MEPCE: variants seen among roughly 807,000 people sequenced by gnomAD.
MEPCE encodes methylphosphate capping enzyme, also known as 7SK snRNA methylphosphate capping enzyme.
MEPCE carries 9 observed loss-of-function variants against 52.3 expected under a neutral mutation model. The ratio of observed to expected loss-of-function variants is 0.17; its 90% CI spans 0.10 to 0.30. The LOEUF is 0.30. Ranked by LOEUF, MEPCE falls within the 10% of genes least tolerant of loss-of-function variation. The pLI, the probability that MEPCE is intolerant of heterozygous loss-of-function variation, is 1.00. For missense variants in MEPCE, 826 were observed against 933.0 expected (o/e 0.89, Z 1.49); for synonymous variants, 477 against 401.6 (o/e 1.19, Z -2.25).
chr7:100,429,648 C>G (rs1028700966), upstream of MEPCE: 1 of 197,446 alleles, frequency 5.1e-6, no homozygotes, highest in African/African-American at 2.3e-5. Context: ...CTCCCAGAGC[C>G]GTTAAGTTGG....
chr7:100,432,875 C>A (rs1270814513), intron 1 of MEPCE, 44 bp from the exon 2 acceptor site: 1 of 1,585,500 alleles, frequency 6.3e-7, no homozygotes, highest in African/African-American at 1.3e-5. Context: ...AGCAGGGGTT[C>A]TTTGATTCCC....
chr7:100,433,032 C>T lies in MEPCE; in HGVS notation c.1785C>T (p.Gly595=), dbSNP rs765536062. ...TGCATCTGAACTGGGGAGACGAGGG[C>T]CTGAAGCGCATGTTTCGCCGGATCT... ...KWVHLNWGDE[G]LKRMFRRIYR... The change falls in exon 2 of 4, where the codon GGC becomes GGT. Residue 595 remains glycine, a synonymous_variant. Transcript: ENST00000310512. The T allele has an allele frequency of 2.1e-5, 34 of 1,613,876 alleles. No individual in the cohort carries two copies. The South Asian group carries it at 3.6e-4, about 17-fold the overall frequency.
At chr7:100,432,521 AG>A (rs1343675855) in intron 1 of MEPCE, among the ~76,000 whole-genome samples, 1 of 152,226 alleles carries the variant, frequency 6.6e-6, no homozygotes, top group East Asian at 1.9e-4. Flanking sequence ...CCCCAACTGC[AG>A]GGAAGGAACC....
chr7:100,430,403 C>G lies in MEPCE; in HGVS notation c.385C>G (p.Pro129Ala), dbSNP rs899386476. The G allele has an allele frequency of 9.2e-6, 14 of 1,529,948 alleles. No individual in the cohort carries two copies. The highest frequency in any genetic ancestry group is 2.0e-5 in the Admixed American group (1 of 51,136). The allele number at this position is 1,529,948 out of a possible 1,614,324, so 94.8% of individuals were successfully genotyped here. Residue 129 changes from proline (P) to alanine (A), a missense_variant, in exon 1 of 4, where the codon CCT (proline) becomes GCT (alanine). Physicochemically the swap from Pro to Ala is conservative, Grantham distance 27. Transcript: ENST00000310512. ...GGGTELGPPA[P>A]PRPRNGYQPH... ...CGGGACAGAGCTGGGTCCCCCTGCT[C>G]CTCCTCGACCCCGCAATGGCTATCA...
At position 100,433,044 on chromosome 7, in the gene MEPCE, G is replaced by A. The variant is rs1798765837; in HGVS notation, c.1797G>A (p.Met599Ile). ...LNWGDEGLKR[M>I]FRRIYRHLRP... is the part of the protein sequence containing the mutation. Reference sequence around the variant, plus strand: ...GGGGAGACGAGGGCCTGAAGCGCATGTTTCGCCGGATCTACCGGCACCTAC... The same window carrying A: ...GGGGAGACGAGGGCCTGAAGCGCATATTTCGCCGGATCTACCGGCACCTAC... The change falls in exon 2 of 4, where the codon ATG becomes ATA. Residue 599 changes from methionine to isoleucine, a missense_variant. Transcript: ENST00000310512. 1 of 1,613,952 alleles carries A rather than the reference G, an allele frequency of 6.2e-7. No individual in the cohort carries two copies. The highest frequency in any genetic ancestry group is 8.5e-7 in the Non-Finnish European group (1 of 1,180,044).
chr7:100,432,552 C>T (rs1798749213), intron 1 of MEPCE, among the ~76,000 whole-genome samples: 1 of 152,218 alleles, frequency 6.6e-6, no homozygotes, highest in Non-Finnish European at 1.5e-5. Flanking sequence ...CCTTTGAAAC[C>T]TGGGTTAGTT....
rs1385632882 is a variant in MEPCE at position 100,433,358 on chromosome 7, G to A, written c.1986G>A (p.Glu662=). 2.5e-5 allele frequency: 40 copies of A among 1,614,198 alleles called. No homozygotes were observed. The highest frequency in any genetic ancestry group is 3.2e-5 in the Non-Finnish European group (38 of 1,180,048). ...CAGACGTGGGCTTCTCCAGCTATGA[G>A]CTTGTGGCCACACCCCACAACACCT... The part of the protein sequence containing the change: ...TSPDVGFSSY[E]LVATPHNTSK... The change falls in exon 3 of 4, where the codon GAG becomes GAA. Residue 662 remains glutamate, a synonymous_variant. Transcript: ENST00000310512.
rs771339019 is a variant in MEPCE, at chr7:100,433,250, CCT to C, written c.1891-7_1891-6del. On this transcript the variant is annotated splice_polypyrimidine_tract_variant and intron_variant, in intron 2 of 3. Coordinates refer to ENST00000310512, the MANE Select transcript of MEPCE (RefSeq NM_019606.6). Reference sequence around the variant, plus strand: ...GGCAGCGTGCTGAAGTGGTCCCTTGCCTCTCTCCTTAGGAAACGATCTACAAG... The same window carrying C: ...GGCAGCGTGCTGAAGTGGTCCCTTGCCTCTCCTTAGGAAACGATCTACAAG... The C allele has an allele frequency of 5.6e-6, 9 of 1,614,132 alleles. No homozygotes were observed. Among genetic ancestry groups the C allele is most frequent in the East Asian group, 2.2e-5 (1 of 44,892 alleles).
rs749548135 is a variant in MEPCE at position 100,433,540 on chromosome 7, TC to T, written c.2061del (p.Ser688AlafsTer11). ...RPVYLFHKAR[S>X]PSH ...TGTGTACCTGTTCCACAAGGCCCGA[TC>T]CCCCAGCCACTAAGTGGCCCCCTAA... is the stretch of plus-strand genomic sequence containing the variant. On this transcript the variant is annotated frameshift_variant, in exon 4 of 4. Transcript: ENST00000310512. LOFTEE classifies it high-confidence loss of function. 5.6e-6 allele frequency: 9 copies of T among 1,612,426 alleles called. No individual in the cohort carries two copies.
rs748546536 is a variant in MEPCE, at chr7:100,430,828, C to G, written c.810C>G (p.His270Gln). 8.7e-6 allele frequency: 14 copies of G among 1,611,626 alleles called. No individual in the cohort carries two copies. Among genetic ancestry groups the G allele is most frequent in the Admixed American group, 1.7e-5 (1 of 59,950 alleles). The stretch of plus-strand genomic sequence containing the variant: ...GGCATAGACACCGGGGACAGCACCA[C>G]CAGCAGCAGCAGGCAGCCGGAGGGA... ...RKRHRHRGQH[H>Q]QQQQAAGGSE... is the part of the protein sequence containing the mutation. Residue 270 changes from histidine (H) to glutamine (Q), a missense_variant, in exon 1 of 4, where the codon CAC becomes CAG. His to Gln is a conservative substitution (Grantham distance 24). Transcript: ENST00000310512.
In MEPCE at chr7:100,430,140, G is replaced by A. The variant is rs549563315; in HGVS notation, c.122G>A (p.Gly41Glu). ...CCACCGCACCAAGAGGCCGCCTCTG[G>A]GGAGCTCCGCGGCGGGACGGAGCGT... ...TVPPHQEAAS[G>E]ELRGGTERGP... Residue 41 changes from glycine (G) to glutamate (E), a missense_variant, in exon 1 of 4, where the codon GGG (glycine) becomes GAG (glutamate). Transcript: ENST00000310512. 202 of 1,292,076 alleles carry A rather than the reference G, an allele frequency of 1.6e-4. No homozygotes were observed. The African/African-American group carries it at 3.0e-3, about 19-fold the overall frequency. The allele number at this position is 1,292,076 out of a possible 1,614,324, so 80.0% of individuals were successfully genotyped here.
At position 100,433,462 on chromosome 7, in the gene MEPCE, G is replaced by A. The variant is rs144282280; in HGVS notation, c.2018-40G>A. On this transcript the variant is annotated intron_variant, in intron 3 of 3. Coordinates refer to ENST00000310512, the MANE Select transcript of MEPCE (RefSeq NM_019606.6). The stretch of plus-strand genomic sequence containing the variant: ...TGCAGACCCCCATGGGGATTCTTGA[G>A]GTGCTGCCAACCCCTTCTGATCACT... 7.1e-5 allele frequency: 115 copies of A among 1,614,054 alleles called. No homozygotes were observed. The East Asian group carries it at 2.6e-3, about 36-fold the overall frequency.
chr7:100,433,975 TGAGGG>T lies in MEPCE; in HGVS notation c.*422_*426del. 1 of 183,512 alleles carries T rather than the reference TGAGGG, an allele frequency of 5.4e-6. No homozygotes were observed. Among genetic ancestry groups the T allele is most frequent in the South Asian group, 1.2e-4 (1 of 8,566 alleles). The allele number at this position is 183,512 out of a possible 1,614,324, so 11.4% of individuals were successfully genotyped here. A position where few individuals can be genotyped will look rare whatever the true frequency, so the allele number is the denominator to read the frequency against. On this transcript the variant is annotated 3_prime_UTR_variant, in exon 4 of 4. Coordinates refer to ENST00000310512, the MANE Select transcript of MEPCE (RefSeq NM_019606.6). The stretch of plus-strand genomic sequence containing the variant: ...TTCAGTGGACCATGGATAGAGGGAC[TGAGGG>T]TTAGACGGGGAAGACTGGCAGGGAG...
chr7:100,433,684 A>C lies in MEPCE; in HGVS notation c.*130A>C. 1 of 982,748 alleles carries C rather than the reference A, an allele frequency of 1.0e-6. No homozygotes were observed. Among genetic ancestry groups the C allele is most frequent in the Non-Finnish European group, 1.5e-6 (1 of 660,652 alleles). The allele number at this position is 982,748 out of a possible 1,614,324, so 60.9% of individuals were successfully genotyped here. A position where few individuals can be genotyped will look rare whatever the true frequency, so the allele number is the denominator to read the frequency against. ...AGTTTCCTTTCTTGGATCTGCAAAGAAAGCTTTTCTTCCGTCGCTGCCTCA... is the reference window on the plus strand; with the variant it reads ...AGTTTCCTTTCTTGGATCTGCAAAGCAAGCTTTTCTTCCGTCGCTGCCTCA... On this transcript the variant is annotated 3_prime_UTR_variant, in exon 4 of 4. Coordinates refer to ENST00000310512, the MANE Select transcript of MEPCE (RefSeq NM_019606.6).
Position 100,429,855 on chromosome 7 carries a change from G to T in MEPCE, c.-164G>T, listed in dbSNP as rs543281389. On this transcript the variant is annotated 5_prime_UTR_variant, in exon 1 of 4. Coordinates refer to ENST00000310512, the MANE Select transcript of MEPCE (RefSeq NM_019606.6). Reference sequence around the variant, plus strand: ...CCTCTTGTTTTGGTCTCGCGGGCTAGTAGGGCGCACTTGGCGGGGAGGCGC... The same window carrying T: ...CCTCTTGTTTTGGTCTCGCGGGCTATTAGGGCGCACTTGGCGGGGAGGCGC... 5.8e-6 allele frequency: 3 copies of T among 521,686 alleles called. No homozygotes were observed. In the Middle Eastern group the frequency reaches 1.6e-3, roughly 283 times the overall value. The allele number at this position is 521,686 out of a possible 1,614,324, so 32.3% of individuals were successfully genotyped here.
chr7:100,429,228 T>G (rs1377891813), upstream of MEPCE: 2 of 152,046 alleles, frequency 1.3e-5, no homozygotes, highest in East Asian at 3.9e-4. Context: ...GCCCCGCCCC[T>G]CCGGATCGCG....
In MEPCE at chr7:100,430,999, A is replaced by G. The variant is rs964463668; in HGVS notation, c.981A>G (p.Glu327=). Reference sequence around the variant, plus strand: ...ACACAGCCATCAACTGCAGGGATGAAGTGGTGTCTCCCCTTCCATCTGCTC... The same window carrying G: ...ACACAGCCATCAACTGCAGGGATGAGGTGGTGTCTCCCCTTCCATCTGCTC... ...ELNTAINCRD[E]VVSPLPSALQ... Residue 327 remains glutamate, a synonymous_variant, in exon 1 of 4, where the codon GAA becomes GAG. Transcript: ENST00000310512. 1 of 1,613,512 alleles carries G rather than the reference A, an allele frequency of 6.2e-7. No homozygotes were observed. The highest frequency in any genetic ancestry group is 1.3e-5 in the African/African-American group (1 of 75,036).
In MEPCE at chr7:100,429,839, T is replaced by G; in HGVS notation, c.-180T>G. On this transcript the variant is annotated 5_prime_UTR_variant, in exon 1 of 4. Transcript: ENST00000310512. Reference sequence around the variant, plus strand: ...GTTCGGGTCTCGCGGGCCTCTTGTTTTGGTCTCGCGGGCTAGTAGGGCGCA... The same window carrying G: ...GTTCGGGTCTCGCGGGCCTCTTGTTGTGGTCTCGCGGGCTAGTAGGGCGCA... The G allele has an allele frequency of 6.6e-6, 3 of 457,528 alleles. No homozygotes were observed. The highest frequency in any genetic ancestry group is 1.1e-5 in the Non-Finnish European group (3 of 281,232). The allele number at this position is 457,528 out of a possible 1,614,324, so 28.3% of individuals were successfully genotyped here. A position where few individuals can be genotyped will look rare whatever the true frequency, so the allele number is the denominator to read the frequency against.
In MEPCE at chr7:100,431,596, G is replaced by A. The variant is rs775917552; in HGVS notation, c.1578G>A (p.Ser526=). The A allele has an allele frequency of 3.7e-6, 6 of 1,611,196 alleles. No homozygotes were observed. In the Admixed American group the frequency reaches 5.0e-5, roughly 13 times the overall value. Residue 526 remains serine (S), a synonymous_variant, in exon 1 of 4, where the codon TCG becomes TCA. Transcript: ENST00000310512. Reference sequence around the variant, plus strand: ...GAAAGAGGAGCTGCTTCCCAGCCTCGCTGACTGCCAGCCGGGGTCCCATCG... The same window carrying A: ...GAAAGAGGAGCTGCTTCCCAGCCTCACTGACTGCCAGCCGGGGTCCCATCG... ...TVRKRSCFPA[S]LTASRGPIAA...
Sources: gnomAD v4.1 joint callset for allele counts (sites outside exome capture counted in the v4.1 genomes callset) on GRCh38, gnomAD v4.1.1 for gene constraint, MANE v1.5 for transcripts, NCBI Gene and HGNC (gene_info 2026-07-23, HGNC 2026-07-21) for gene names.